Variants in PRR27 observed in about 807,000 individuals in gnomAD.
The protein encoded by PRR27 is proline rich 27.
In PRR27, 12 loss-of-function variants were observed where a neutral mutation model predicts 16.8. That is an observed-to-expected ratio of 0.71 (90% CI 0.46 to 1.16). The LOEUF (loss-of-function observed/expected upper bound fraction) is 1.16. PRR27 is among the 50% of genes most tolerant of loss of function. PRR27 has a pLI of 0.00. For synonymous variants in PRR27, 100 were observed against 98.4 expected (o/e 1.02, Z -0.10); for missense variants, 277 against 273.3 (o/e 1.01, Z -0.10).
intron 3 of PRR27, among the ~76,000 whole-genome samples, chr4:70,161,207 C>CATATATATATAT (rs5859213): frequency 1.7e-5 from 2 of 119,586 alleles, no homozygotes; most frequent in Admixed American, 9.3e-5. Flanking sequence ...TACACGTATA[C>CATATATATATAT]ATATATATAT....
In PRR27 at chr4:70,166,278, T is replaced by A. The variant is rs1360638253; in HGVS notation, c.*3617T>A. 1 of 152,030 alleles carries A rather than the reference T, an allele frequency of 6.6e-6. No individual in the cohort carries two copies. Among genetic ancestry groups the A allele is most frequent in the Non-Finnish European group, 1.5e-5 (1 of 67,932 alleles). The allele number at this position is 152,030 out of a possible 1,614,324, so 9.4% of individuals were successfully genotyped here. A position where few individuals can be genotyped will look rare whatever the true frequency, so the allele number is the denominator to read the frequency against. On this transcript the variant is annotated 3_prime_UTR_variant, in exon 5 of 5. Transcript: ENST00000344526. ...GAACTTATAGACTAATTTAAGTTAA[T>A]TATAGGCCTTATCTCAGACCTTTGC... is the stretch of plus-strand genomic sequence containing the variant.
rs1275717849 is a variant in PRR27, at chr4:70,166,265, T to C, written c.*3604T>C. The C allele has an allele frequency of 6.6e-6, 1 of 152,086 alleles. No homozygotes were observed. The highest frequency in any genetic ancestry group is 1.5e-5 in the Non-Finnish European group (1 of 67,956). 9.4% of individuals were successfully genotyped at this position (152,086 alleles called of 1,614,324 possible). A position where few individuals can be genotyped will look rare whatever the true frequency, so the allele number is the denominator to read the frequency against. On this transcript the variant is annotated 3_prime_UTR_variant, in exon 5 of 5. Coordinates refer to ENST00000344526, the MANE Select transcript of PRR27 (RefSeq NM_214711.4). ...ACATTATGCTATAGAACTTATAGAC[T>C]AATTTAAGTTAATTATAGGCCTTAT...
chr4:70,154,416 T>G lies in PRR27; in HGVS notation c.41T>G (p.Phe14Cys), dbSNP rs1236179910. The change falls in exon 1 of 5, where the codon TTT becomes TGT. Residue 14 changes from phenylalanine (F) to cysteine (C), a missense_variant. Physicochemically the swap from Phe to Cys is radical, Grantham distance 205. Transcript: ENST00000344526. ...LLWACIVCVA[F>C]ARKRRFPFIG... Reference sequence around the variant, plus strand: ...TGGGCCTGCATTGTATGTGTTGCTTTTGCAAGGAAGGTAAGTAAATGGACT... The same window carrying G: ...TGGGCCTGCATTGTATGTGTTGCTTGTGCAAGGAAGGTAAGTAAATGGACT... The G allele has an allele frequency of 1.2e-6, 2 of 1,612,756 alleles. No homozygotes were observed. The highest frequency in any genetic ancestry group is 1.7e-6 in the Non-Finnish European group (2 of 1,179,016).
At chr4:70,154,610 T>A (rs1361722267) in intron 1 of PRR27, 184 bp downstream of exon 1, 2 of 826,722 alleles carry the variant, frequency 2.4e-6, no homozygotes, top group Non-Finnish European at 3.9e-6. Context: ...ATAATAAAGT[T>A]GTAGTATCTG....
chr4:70,158,756 T>G lies in PRR27; in HGVS notation c.504T>G (p.Pro168=). The change falls in exon 3 of 5, where the codon CCT becomes CCG. Residue 168 remains proline, a synonymous_variant. Coordinates refer to ENST00000344526, the MANE Select transcript of PRR27 (RefSeq NM_214711.4). ...CAGAGGCACCTGTTGGAGCTGAGCCTGCTGCAGAGGCACCTGTTGCAGCTG... is the reference window on the plus strand; with the variant it reads ...CAGAGGCACCTGTTGGAGCTGAGCCGGCTGCAGAGGCACCTGTTGCAGCTG... The part of the protein sequence containing the change: ...PAAEAPVGAE[P]AAEAPVAAEP... 6.3e-7 allele frequency: 1 copy of G among 1,576,710 alleles called. No individual in the cohort carries two copies. Among genetic ancestry groups the G allele is most frequent in the Non-Finnish European group, 8.7e-7 (1 of 1,152,388 alleles).
intron 1 of PRR27, among the ~76,000 whole-genome samples, chr4:70,155,035 T>C (rs746070198): frequency 1.1e-4 from 16 of 152,160 alleles, no homozygotes; most frequent in Non-Finnish European, 2.2e-4. Flanking sequence ...GTTTTAAAGA[T>C]TTTATAAGGT....
rs138882671 is a variant in PRR27 at position 70,160,957 on chromosome 4, T to C, written c.649-629T>C. Reference sequence around the variant, plus strand: ...ACCACTTGGAAAGCTCTAGTAGTTGTTACCTAGAAGGAGATAAGAACTCTT... The same window carrying C: ...ACCACTTGGAAAGCTCTAGTAGTTGCTACCTAGAAGGAGATAAGAACTCTT... On this transcript the variant is annotated intron_variant, in intron 3 of 4. Transcript: ENST00000344526. 7.1e-3 allele frequency among the ~76,000 whole-genome samples: 1,083 copies of C among 152,016 alleles called. 13 individuals carry two copies. Among genetic ancestry groups the C allele is most frequent in the African/African-American group, 0.025 (1,026 of 41,470 alleles).
At position 70,161,627 on chromosome 4, in the gene PRR27, T is replaced by C; in HGVS notation, c.*30T>C. The C allele has an allele frequency of 1.4e-6, 2 of 1,438,626 alleles. No individual in the cohort carries two copies. The highest frequency in any genetic ancestry group is 1.9e-6 in the Non-Finnish European group (2 of 1,038,996). The allele number at this position is 1,438,626 out of a possible 1,614,324, so 89.1% of individuals were successfully genotyped here. ...CTCTAGAAGAGTACCATGGGTTCAT[T>C]TCTGTAAGTCATATGTGATAATATA... is the stretch of plus-strand genomic sequence containing the variant. On this transcript the variant is annotated 3_prime_UTR_variant, in exon 4 of 5. Coordinates refer to ENST00000344526, the MANE Select transcript of PRR27 (RefSeq NM_214711.4).
In PRR27 at chr4:70,158,674, C is replaced by A; in HGVS notation, c.422C>A (p.Ala141Asp). The change falls in exon 3 of 5, where the codon GCC becomes GAC. Residue 141 changes from alanine (A) to aspartate (D), a missense_variant. Coordinates refer to ENST00000344526, the MANE Select transcript of PRR27 (RefSeq NM_214711.4). ...CCTGCTGCAGCTGCACCTCTTACAG[C>A]CACACCTGTAGCAGCTGAGCCTGCT... The part of the protein sequence containing the change: ...AEPAAAAPLT[A>D]TPVAAEPAAG... The A allele has an allele frequency of 6.2e-7, 1 of 1,613,954 alleles. No individual in the cohort carries two copies.
chr4:70,158,024 C>T (rs960828132), intron 2 of PRR27, among the ~76,000 whole-genome samples: 5 of 152,202 alleles, frequency 3.3e-5, no homozygotes, highest in African/African-American at 1.2e-4. Context: ...CTGTATCAAT[C>T]CTAAAAGTGC....
rs745754091 is a variant in PRR27 at position 70,156,058 on chromosome 4, G to C, written c.56G>C (p.Arg19Pro). 2.8e-6 allele frequency: 4 copies of C among 1,431,400 alleles called. No homozygotes were observed. The highest frequency in any genetic ancestry group is 5.2e-5 in the Admixed American group (2 of 38,418). 88.7% of individuals were successfully genotyped at this position (1,431,400 alleles called of 1,614,324 possible). The change falls in exon 2 of 5, where the codon CGG becomes CCG. Residue 19 changes from arginine to proline, a missense_variant. Physicochemically the swap from Arg to Pro is moderately radical, Grantham distance 103 (BLOSUM62 -2). Transcript: ENST00000344526. ...IVCVAFARKR[R>P]FPFIGEDDND... ...ATATATTTTTCTTTATTTTAGAGAC[G>C]GTTCCCCTTCATTGGTGAGGTAAAA... is the stretch of plus-strand genomic sequence containing the variant.
At chr4:70,156,009 T>C in intron 1 of PRR27, 45 bp from the exon 2 acceptor site, 1 of 1,269,384 alleles carries the variant, frequency 7.9e-7, no homozygotes, top group Non-Finnish European at 1.1e-6. Context: ...GTGCAGATGT[T>C]TTCAAATACA....
intron 3 of PRR27, among the ~76,000 whole-genome samples, chr4:70,159,265 C>A (rs564063935): frequency 1.3e-5 from 2 of 152,260 alleles, no homozygotes; most frequent in South Asian, 4.1e-4. Flanking sequence ...ATTGTATGTA[C>A]TCTTGTGTCA....
At chr4:70,161,745 G>T in intron 4 of PRR27, 115 bp downstream of exon 4, 1 of 466,342 alleles carries the variant, frequency 2.1e-6, no homozygotes, top group South Asian at 5.7e-5. Context: ...TGAGAAAGTG[G>T]AGCTTAGAGA....
chr4:70,161,125 A>C (rs1404657400), intron 3 of PRR27, among the ~76,000 whole-genome samples: 4 of 136,656 alleles, frequency 2.9e-5, no homozygotes, highest in Non-Finnish European at 6.1e-5. Flanking sequence ...TGACACAAGC[A>C]CTTTCCATCT....
Position 70,158,359 on chromosome 4 carries a change from C to A in PRR27, c.107C>A (p.Pro36Gln). ...AATGACGATGGTCACCCACTTCATC[C>A]ATCTCTGAATATTCCTTATGGCATA... is the stretch of plus-strand genomic sequence containing the variant. ...DDNDDGHPLHPSLNIPYGIRN... is the reference protein window; with the variant it reads ...DDNDDGHPLHQSLNIPYGIRN... The change falls in exon 3 of 5, where the codon CCA becomes CAA. Residue 36 changes from proline (P) to glutamine (Q), a missense_variant. Physicochemically the swap from Pro to Gln is moderately conservative, Grantham distance 76. Coordinates refer to ENST00000344526, the MANE Select transcript of PRR27 (RefSeq NM_214711.4). The A allele has an allele frequency of 6.2e-7, 1 of 1,604,938 alleles. No homozygotes were observed. Among genetic ancestry groups the A allele is most frequent in the Non-Finnish European group, 8.5e-7 (1 of 1,172,292 alleles).
At position 70,158,665 on chromosome 4, in the gene PRR27, C is replaced by G; in HGVS notation, c.413C>G (p.Pro138Arg). ...PIAAEPAAAA[P>R]LTATPVAAEP... ...GCAGCTGAGCCTGCTGCAGCTGCAC[C>G]TCTTACAGCCACACCTGTAGCAGCT... The change falls in exon 3 of 5, where the codon CCT (proline) becomes CGT (arginine). Residue 138 changes from proline to arginine, a missense_variant. Physicochemically the swap from Pro to Arg is moderately radical, Grantham distance 103 (BLOSUM62 -2). Coordinates refer to ENST00000344526, the MANE Select transcript of PRR27 (RefSeq NM_214711.4). 1 of 1,614,060 alleles carries G rather than the reference C, an allele frequency of 6.2e-7. No homozygotes were observed. Among genetic ancestry groups the G allele is most frequent in the Non-Finnish European group, 8.5e-7 (1 of 1,179,988 alleles).
At position 70,164,044 on chromosome 4, in the gene PRR27, C is replaced by G. The variant is rs1444000939; in HGVS notation, c.*1383C>G. The G allele has an allele frequency of 6.6e-6, 1 of 152,130 alleles. No homozygotes were observed. The highest frequency in any genetic ancestry group is 1.5e-5 in the Non-Finnish European group (1 of 68,018). 9.4% of individuals were successfully genotyped at this position (152,130 alleles called of 1,614,324 possible). A position where few individuals can be genotyped will look rare whatever the true frequency, so the allele number is the denominator to read the frequency against. ...CTGAGCACTCTATCTAAATAAATCC[C>G]TCTTCTGCAACCCAGTGCTTTTTGT... On this transcript the variant is annotated 3_prime_UTR_variant, in exon 5 of 5. Transcript: ENST00000344526.
intron 1 of PRR27, 116 bp from the exon 2 acceptor site, chr4:70,155,938 A>C: frequency 1.6e-6 from 1 of 640,016 alleles, no homozygotes; most frequent in Non-Finnish European, 2.7e-6. Flanking sequence ...CTCAAATTTC[A>C]AAAAAATTAA....
Sources: gnomAD v4.1 joint callset for allele counts (sites outside exome capture counted in the v4.1 genomes callset) on GRCh38, gnomAD v4.1.1 for gene constraint, MANE v1.5 for transcripts, NCBI Gene and HGNC (gene_info 2026-07-23, HGNC 2026-07-21) for gene names.